Variants in PHF24 observed in about 807,000 individuals in gnomAD.
PHF24 encodes Galpha inhibitory interacting protein.
A neutral mutation model predicts 42.6 loss-of-function variants in PHF24; 25 were observed. The ratio of observed to expected loss-of-function variants is 0.59; its 90% CI spans 0.43 to 0.82. The LOEUF (loss-of-function observed/expected upper bound fraction) is 0.82, where lower values mean the gene tolerates loss of function less well. Ranked by LOEUF, PHF24 falls within the 40% of genes least tolerant of loss-of-function variation. The pLI is 0.00. For synonymous variants in PHF24, 185 were observed against 204.8 expected (o/e 0.90, Z 0.83); for missense variants, 470 against 538.1 (o/e 0.87, Z 1.25).
At chr9:34,903,960 G>T in the PHF24 span, among the ~76,000 whole-genome samples, 2 of 152,112 alleles carry the variant, frequency 1.3e-5, no homozygotes, top group African/African-American at 2.4e-5. Context: ...GGGAGGTTGA[G>T]TTCTTGATTT....
At chr9:34,714,097 A>C in the PHF24 span, among the ~76,000 whole-genome samples, 1 of 151,900 alleles carries the variant, frequency 6.6e-6, no homozygotes, top group Admixed American at 6.6e-5. Context: ...CTAGAGGAGA[A>C]ATAATTGAGC....
rs1364613337 is a variant in PHF24, at chr9:34,972,299, C to T, written c.379-47C>T. ...TGTGCTTAGTGGCCTTGGAATCTTGCTGCCTACATTTACACATCCCTGTTT... is the reference window on the plus strand; with the variant it reads ...TGTGCTTAGTGGCCTTGGAATCTTGTTGCCTACATTTACACATCCCTGTTT... On this transcript the variant is annotated intron_variant, in intron 2 of 7. Transcript: ENST00000242315. The T allele has an allele frequency of 2.0e-6, 3 of 1,526,798 alleles. No homozygotes were observed. The South Asian group carries it at 3.8e-5, about 19-fold the overall frequency. 94.6% of individuals were successfully genotyped at this position (1,526,798 alleles called of 1,614,324 possible).
the PHF24 span, chr9:34,922,586 G>T: frequency 1.1e-5 from 11 of 956,550 alleles, no homozygotes; most frequent in East Asian, 1.4e-4. Flanking sequence ...ATTTGCTCTC[G>T]CTTGTGAAGC....
chr9:34,873,889 G>A, the PHF24 span, among the ~76,000 whole-genome samples: 2 of 152,016 alleles, frequency 1.3e-5, no homozygotes, highest in Non-Finnish European at 2.9e-5. Context: ...ATTGAGCAGT[G>A]GTTTGTAGTT....
At chr9:34,666,085 T>G in the PHF24 span, 1 of 228,678 alleles carries the variant, frequency 4.4e-6, no homozygotes, top group Non-Finnish European at 8.8e-6. Flanking sequence ...CGTTGCGCAC[T>G]AGGTTTGCCT....
intron 6 of PHF24, 119 bp from the exon 7 acceptor site, chr9:34,977,427 G>A: frequency 8.1e-7 from 1 of 1,237,948 alleles, no homozygotes; most frequent in Non-Finnish European, 1.2e-6. Context: ...TCAACTCGGT[G>A]TTGCCACATG....
At chr9:34,837,529 A>C in the PHF24 span, 1 of 671,938 alleles carries the variant, frequency 1.5e-6, no homozygotes, top group East Asian at 2.9e-5. Context: ...TGGAAGTTTC[A>C]GTCTGGGGAA....
chr9:34,862,891 G>T, the PHF24 span, among the ~76,000 whole-genome samples: 5 of 151,928 alleles, frequency 3.3e-5, no homozygotes, highest in Non-Finnish European at 7.4e-5. Flanking sequence ...TTCTGGACCT[G>T]CCCTGGGCCA....
chr9:34,822,960 G>A, the PHF24 span, among the ~76,000 whole-genome samples: 1 of 151,958 alleles, frequency 6.6e-6, no homozygotes, highest in African/African-American at 2.4e-5. Flanking sequence ...ACTTTGGGAG[G>A]CCGAGGCGGG....
the PHF24 span, among the ~76,000 whole-genome samples, chr9:34,942,203 C>G: frequency 2.6e-5 from 4 of 152,178 alleles, no homozygotes. Context: ...TACTGCAGAA[C>G]CCTTTTCTTT....
the PHF24 span, among the ~76,000 whole-genome samples, chr9:34,754,510 G>A: frequency 2.4e-4 from 36 of 152,132 alleles, no homozygotes; most frequent in African/African-American, 6.5e-4. Context: ...ATGAGATATC[G>A]TCTTGCCCCA....
At chr9:34,906,002 C>G in the PHF24 span, among the ~76,000 whole-genome samples, 1 of 151,872 alleles carries the variant, frequency 6.6e-6, no homozygotes, top group African/African-American at 2.4e-5. Context: ...TTTCTCTACA[C>G]AGATTTTTTG....
At position 34,978,238 on chromosome 9, in the gene PHF24, A is replaced by G. The variant is rs566706374; in HGVS notation, c.*127A>G. ...GACACTGCCAGCGTCTTAACTTGTC[A>G]CTAAGCTTTAAGGCACTGAAATCAC... is the stretch of plus-strand genomic sequence containing the variant. On this transcript the variant is annotated 3_prime_UTR_variant, in exon 8 of 8. Transcript: ENST00000242315. 14 of 686,862 alleles carry G rather than the reference A, an allele frequency of 2.0e-5. No individual in the cohort carries two copies. In the African/African-American group the frequency reaches 2.5e-4, roughly 12 times the overall value. 42.5% of individuals were successfully genotyped at this position (686,862 alleles called of 1,614,324 possible).
At chr9:34,731,237 G>T in the PHF24 span, among the ~76,000 whole-genome samples, 350 of 152,204 alleles carry the variant, frequency 2.3e-3, 1 homozygote, top group African/African-American at 7.5e-3. Context: ...AGGGTAAATG[G>T]GGTATCCATC....
the PHF24 span, chr9:34,665,735 G>C: frequency 2.0e-5 from 14 of 698,014 alleles, no homozygotes; most frequent in Admixed American, 6.0e-5. Flanking sequence ...CCCCTTCTCC[G>C]TCATTCTCAG....
At chr9:34,668,218 T>C in the PHF24 span, among the ~76,000 whole-genome samples, 1 of 152,180 alleles carries the variant, frequency 6.6e-6, no homozygotes, top group Non-Finnish European at 1.5e-5. Flanking sequence ...AGAGCTTTAG[T>C]GTTGCTCTCT....
At chr9:34,856,795 C>T in the PHF24 span, among the ~76,000 whole-genome samples, 81 of 152,352 alleles carry the variant, frequency 5.3e-4, no homozygotes, top group African/African-American at 1.9e-3. Flanking sequence ...AGTCTGGCTG[C>T]CCCTTGGCAG....
At chr9:34,757,880 G>T in the PHF24 span, among the ~76,000 whole-genome samples, 4 of 152,084 alleles carry the variant, frequency 2.6e-5, no homozygotes, top group African/African-American at 9.7e-5. Flanking sequence ...TGGGATTAGG[G>T]CCATAGGGCT....
the PHF24 span, among the ~76,000 whole-genome samples, chr9:34,777,739 T>C: frequency 2.6e-4 from 40 of 152,302 alleles, no homozygotes; most frequent in African/African-American, 8.7e-4. Flanking sequence ...CCCATGCTTC[T>C]CTAGTGCCTC....
Sources: allele counts gnomAD v4.1 joint callset (sites outside exome capture counted in the v4.1 genomes callset), GRCh38; gene constraint gnomAD v4.1.1; transcripts MANE v1.5; gene names NCBI Gene and HGNC (gene_info 2026-07-23, HGNC 2026-07-21).